Variants in TAMM41 observed in about 807,000 individuals in gnomAD.
TAMM41 encodes TAM41 mitochondrial translocator assembly and maintenance homolog.
TAMM41 carries 36 observed loss-of-function variants against 44.1 expected under a neutral mutation model. The observed-to-expected ratio is 0.82, with a 90% CI of 0.63 to 1.08. The LOEUF is 1.08. TAMM41 is among the 50% of genes least tolerant of loss of function. TAMM41 has a pLI of 0.00. For synonymous variants in TAMM41, 164 were observed against 153.1 expected (o/e 1.07, Z -0.53); for missense variants, 417 against 404.3 (o/e 1.03, Z -0.27).
chr3:11,724,384 T>C, the TAMM41 span, among the ~76,000 whole-genome samples: 1 of 151,684 alleles, frequency 6.6e-6, no homozygotes, highest in African/African-American at 2.4e-5. Flanking sequence ...ATTACAGGCA[T>C]GAGCCACCGC....
the TAMM41 span, among the ~76,000 whole-genome samples, chr3:11,725,679 A>G: frequency 2.0e-5 from 3 of 152,128 alleles, no homozygotes; most frequent in African/African-American, 7.2e-5. Context: ...GGCTCAAGCA[A>G]TCATCCCACC....
At chr3:11,782,199 C>T in the TAMM41 span, among the ~76,000 whole-genome samples, 1 of 152,208 alleles carries the variant, frequency 6.6e-6, no homozygotes, top group Non-Finnish European at 1.5e-5. Flanking sequence ...TCAAATCCCA[C>T]TATGGGGCTA....
chr3:11,829,712 A>C lies in TAMM41; in HGVS notation c.562+2T>G. ...GAACATCTGGGCAGCAACCATACTA[A>C]CCTGAATAGGAGAGACCGGCAATCT... On this transcript the variant is annotated splice_donor_variant, in intron 4 of 7. Coordinates refer to ENST00000455809, the MANE Select transcript of TAMM41 (RefSeq NM_001284401.2). LOFTEE classifies it high-confidence loss of function. 2 of 1,614,030 alleles carry C rather than the reference A, an allele frequency of 1.2e-6. No homozygotes were observed. Among genetic ancestry groups the C allele is most frequent in the Non-Finnish European group, 1.7e-6 (2 of 1,179,956 alleles).
At chr3:11,770,819 T>C in the TAMM41 span, among the ~76,000 whole-genome samples, 2 of 152,302 alleles carry the variant, frequency 1.3e-5, no homozygotes, top group South Asian at 2.1e-4. Context: ...GTCTTCAAGA[T>C]AGTGAAAACT....
chr3:11,840,190 C>A (rs114174449), intron 2 of TAMM41, among the ~76,000 whole-genome samples: 3,716 of 152,134 alleles, frequency 0.024, 145 homozygotes, highest in African/African-American at 0.085. Flanking sequence ...AGTGACAACA[C>A]CAGTTCTCCT....
At chr3:11,828,187 G>C (rs115169656) in intron 4 of TAMM41, among the ~76,000 whole-genome samples, 91 of 151,662 alleles carry the variant, frequency 6.0e-4, no homozygotes, top group African/African-American at 2.0e-3. Context: ...CTTTGCCTGG[G>C]GTAGGTCTCA....
At position 11,846,613 on chromosome 3, in the gene TAMM41, G is replaced by A. The variant is rs781744562; in HGVS notation, c.24C>T (p.Ser8=). The part of the protein sequence containing the change: MALQTLQ[S]SWVTFRKILS... Reference sequence around the variant, plus strand: ...GGATCTTGCGGAAGGTCACCCACGAGCTCTGCAGCGTCTGCAGCGCCATGG... The same window carrying A: ...GGATCTTGCGGAAGGTCACCCACGAACTCTGCAGCGTCTGCAGCGCCATGG... Residue 8 remains serine (S), a synonymous_variant, in exon 1 of 8, where the codon AGC becomes AGT. Coordinates refer to ENST00000455809, the MANE Select transcript of TAMM41 (RefSeq NM_001284401.2). The A allele has an allele frequency of 2.0e-5, 32 of 1,614,106 alleles. No individual in the cohort carries two copies. Among genetic ancestry groups the A allele is most frequent in the Non-Finnish European group, 2.6e-5 (31 of 1,180,044 alleles).
At chr3:11,748,721 G>T in the TAMM41 span, among the ~76,000 whole-genome samples, 2 of 152,064 alleles carry the variant, frequency 1.3e-5, no homozygotes, top group African/African-American at 4.8e-5. Context: ...TAACAGAGAA[G>T]GAAAAGGGAC....
At chr3:11,826,690 TAAAAC>T (rs988648745) in intron 4 of TAMM41, 1 of 106,904 alleles carries the variant, frequency 9.4e-6, no homozygotes, top group African/African-American at 3.7e-5. Context: ...GAAAAACAAA[TAAAAC>T]AAAAAAGAAA....
the TAMM41 span, among the ~76,000 whole-genome samples, chr3:11,739,612 C>T: frequency 1.6e-5 from 2 of 128,638 alleles, no homozygotes; most frequent in Admixed American, 1.0e-4. Context: ...GTGGAGGTTG[C>T]AGTGAGCCAA....
intron 4 of TAMM41, among the ~76,000 whole-genome samples, chr3:11,827,762 TA>T (rs1414000029): frequency 6.6e-6 from 1 of 151,882 alleles, no homozygotes; most frequent in African/African-American, 2.4e-5. Context: ...TTCTCACCCA[TA>T]ATTTATAATA....
At chr3:11,777,293 A>G in the TAMM41 span, among the ~76,000 whole-genome samples, 3 of 152,192 alleles carry the variant, frequency 2.0e-5, no homozygotes, top group African/African-American at 7.2e-5. Flanking sequence ...CGGAAGAGGA[A>G]AAAAAGGTAA....
In TAMM41 at chr3:11,790,462, C is replaced by T. The variant is rs2077451498; in HGVS notation, c.*43G>A. 6.6e-7 allele frequency: 1 copy of T among 1,518,698 alleles called. No individual in the cohort carries two copies. Among genetic ancestry groups the T allele is most frequent in the Non-Finnish European group, 9.1e-7 (1 of 1,095,922 alleles). 94.1% of individuals were successfully genotyped at this position (1,518,698 alleles called of 1,614,324 possible). A position where few individuals can be genotyped will look rare whatever the true frequency, so the allele number is the denominator to read the frequency against. On this transcript the variant is annotated 3_prime_UTR_variant, in exon 8 of 8. Coordinates refer to ENST00000455809, the MANE Select transcript of TAMM41 (RefSeq NM_001284401.2). ...CACTGTTCTGTCAAAAAGGATCAAA[C>T]ACTTTATTCATCTACACATAACATA...
chr3:11,753,982 G>A, the TAMM41 span, among the ~76,000 whole-genome samples: 1 of 152,118 alleles, frequency 6.6e-6, no homozygotes, highest in Non-Finnish European at 1.5e-5. Flanking sequence ...GCGGCCTCGT[G>A]TTCTCCTCAC....
At chr3:11,756,049 C>G in the TAMM41 span, among the ~76,000 whole-genome samples, 1 of 152,076 alleles carries the variant, frequency 6.6e-6, no homozygotes, top group Non-Finnish European at 1.5e-5. Context: ...CCTTTAAGAC[C>G]TTAGCAATCA....
Position 11,791,565 on chromosome 3 carries a change from G to C in TAMM41, c.938-984C>G, listed in dbSNP as rs538893905. Among the ~76,000 whole-genome samples, 3 of 152,244 alleles carry C rather than the reference G, an allele frequency of 2.0e-5. No individual in the cohort carries two copies. In the South Asian group the frequency reaches 6.2e-4, roughly 32 times the overall value. ...CTGTGAGACACAAACTGTGATCTGT[G>C]CTATGAGTGTAAAGTGCACACCCCT... On this transcript the variant is annotated intron_variant, in intron 7 of 7. Transcript: ENST00000455809.
the TAMM41 span, among the ~76,000 whole-genome samples, chr3:11,737,918 C>T: frequency 6.6e-6 from 1 of 152,218 alleles, no homozygotes; most frequent in African/African-American, 2.4e-5. Flanking sequence ...AACTCTTCCA[C>T]TTTTCTTCTC....
chr3:11,808,320 A>G (rs1027264106), intron 6 of TAMM41: 21 of 1,017,212 alleles, frequency 2.1e-5, no homozygotes, highest in Non-Finnish European at 2.4e-5. Context: ...ACAGTGAGGA[A>G]CAAGTTTCAC....
chr3:11,829,044 C>T (rs1457324125), intron 4 of TAMM41, among the ~76,000 whole-genome samples: 2 of 152,052 alleles, frequency 1.3e-5, no homozygotes, highest in Admixed American at 6.6e-5. Flanking sequence ...CTGGTTGCAG[C>T]GAGGGTGAGT....
Sources: gnomAD v4.1 joint callset for allele counts (sites outside exome capture counted in the v4.1 genomes callset) on GRCh38, gnomAD v4.1.1 for gene constraint, MANE v1.5 for transcripts, NCBI Gene and HGNC (gene_info 2026-07-23, HGNC 2026-07-21) for gene names.